STPG2: variants seen among roughly 807,000 people sequenced by gnomAD.
The protein encoded by STPG2 is sperm tail PG-rich repeat containing 2, also known as sperm-tail PG-rich repeat-containing protein 2.
Under a neutral mutation model 54.2 loss-of-function variants are expected in STPG2, and 56 were observed. That is an observed-to-expected ratio of 1.03 (90% CI 0.83 to 1.29). The LOEUF (loss-of-function observed/expected upper bound fraction) is 1.29. STPG2 is among the 50% of genes most tolerant of loss of function. The pLI is 0.00. For missense variants in STPG2, 596 were observed against 544.9 expected (o/e 1.09, Z -0.93); for synonymous variants, 200 against 181.8 (o/e 1.10, Z -0.81).
At chr4:97,540,123 G>A (rs1049961483) in intron 4 of STPG2, among the ~76,000 whole-genome samples, 1 of 152,030 alleles carries the variant, frequency 6.6e-6, no homozygotes, top group Non-Finnish European at 1.5e-5. Flanking sequence ...AAATAACTAA[G>A]ATCAGAGCAG....
At chr4:97,550,461 A>T (rs1214205347) in intron 4 of STPG2, among the ~76,000 whole-genome samples, 3 of 152,202 alleles carry the variant, frequency 2.0e-5, no homozygotes, top group Admixed American at 6.6e-5. Flanking sequence ...GATACGGGGA[A>T]GAGTGGTTTG....
intron 4 of STPG2, among the ~76,000 whole-genome samples, chr4:97,444,349 G>C (rs1359005781): frequency 1.3e-5 from 2 of 152,048 alleles, no homozygotes; most frequent in Non-Finnish European, 1.5e-5. Context: ...AAATCTAAGA[G>C]GATTAGAGTA....
intron 4 of STPG2, among the ~76,000 whole-genome samples, chr4:97,515,274 G>A (rs368585947): frequency 6.6e-6 from 1 of 151,952 alleles, no homozygotes; most frequent in African/African-American, 2.4e-5. Context: ...TTTTCCTTCT[G>A]GCTTTTCAGA....
intron 5 of STPG2, among the ~76,000 whole-genome samples, chr4:98,045,575 C>T (rs1737098652): frequency 6.6e-6 from 1 of 152,088 alleles, no homozygotes; most frequent in Non-Finnish European, 1.5e-5. Flanking sequence ...TGAAAAAGTC[C>T]TTATCTCCCC....
chr4:97,947,696 T>C (rs542596862), intron 7 of STPG2, among the ~76,000 whole-genome samples: 22 of 152,260 alleles, frequency 1.4e-4, no homozygotes, highest in African/African-American at 5.3e-4. Flanking sequence ...GTTTATGTGA[T>C]GAATCATATT....
intron 4 of STPG2, among the ~76,000 whole-genome samples, chr4:97,468,387 G>T (rs1198219134): frequency 6.6e-6 from 1 of 151,904 alleles, no homozygotes; most frequent in Non-Finnish European, 1.5e-5. Flanking sequence ...TTATCAAGAA[G>T]AAAGGAAAAC....
chr4:97,568,920 G>C (rs1367263660), intron 10 of STPG2, among the ~76,000 whole-genome samples: 1 of 143,946 alleles, frequency 6.9e-6, no homozygotes, highest in Non-Finnish European at 1.5e-5. Context: ...TTGTTTGTTT[G>C]TTTTGTTTTG....
intron 9 of STPG2, among the ~76,000 whole-genome samples, chr4:97,814,561 T>C (rs1271502621): frequency 1.3e-5 from 2 of 152,134 alleles, no homozygotes; most frequent in African/African-American, 4.8e-5. Context: ...TGGTTAATAC[T>C]GAGTGTCAAC....
At chr4:97,445,918 G>T (rs1335068497) in intron 4 of STPG2, among the ~76,000 whole-genome samples, 1 of 152,060 alleles carries the variant, frequency 6.6e-6, no homozygotes, top group Non-Finnish European at 1.5e-5. Flanking sequence ...ATCTTTTTCT[G>T]GGAAATAATA....
intron 4 of STPG2, among the ~76,000 whole-genome samples, chr4:97,551,870 C>G (rs555527503): frequency 2.6e-5 from 4 of 152,076 alleles, no homozygotes; most frequent in Non-Finnish European, 5.9e-5. Flanking sequence ...GTCTCACATC[C>G]TAGTTATGTG....
At chr4:97,997,483 C>G (rs1735279302) in intron 5 of STPG2, among the ~76,000 whole-genome samples, 1 of 152,154 alleles carries the variant, frequency 6.6e-6, no homozygotes, top group African/African-American at 2.4e-5. Context: ...ATCATGAGGA[C>G]AGTACCAAGG....
chr4:97,951,376 G>A (rs774710727), intron 7 of STPG2, among the ~76,000 whole-genome samples: 13 of 152,026 alleles, frequency 8.6e-5, no homozygotes, highest in Admixed American at 6.5e-5. Flanking sequence ...GTGACCTTTG[G>A]GTGTATTGCA....
At chr4:98,129,912 C>T (rs1253611852) in intron 2 of STPG2, among the ~76,000 whole-genome samples, 1 of 152,188 alleles carries the variant, frequency 6.6e-6, no homozygotes, top group Non-Finnish European at 1.5e-5. Context: ...GGCTGGAGTG[C>T]AGTGGCATGA....
intron 8 of STPG2, among the ~76,000 whole-genome samples, chr4:97,936,179 G>A (rs7683228): frequency 0.043 from 6,572 of 151,898 alleles, 466 homozygotes; most frequent in African/African-American, 0.15. Context: ...AGTCTGTTTC[G>A]TCAGAGACTA....
intron 4 of STPG2, among the ~76,000 whole-genome samples, chr4:97,478,689 C>A (rs2148819406): frequency 6.6e-6 from 1 of 151,934 alleles, no homozygotes; most frequent in Non-Finnish European, 1.5e-5. Flanking sequence ...TAGGTTTTCT[C>A]TTTTGCTAAA....
intron 9 of STPG2, among the ~76,000 whole-genome samples, chr4:97,805,092 T>A (rs1727513016): frequency 6.6e-6 from 1 of 152,208 alleles, no homozygotes; most frequent in South Asian, 2.1e-4. Flanking sequence ...CTCTGTATTT[T>A]AAAAATTCTT....
At chr4:97,729,292 G>C (rs1724724092) in intron 9 of STPG2, among the ~76,000 whole-genome samples, 1 of 152,008 alleles carries the variant, frequency 6.6e-6, no homozygotes, top group South Asian at 2.1e-4. Flanking sequence ...CAGATTTGGA[G>C]AATAGAATGT....
chr4:97,607,072 T>C (rs965112232), intron 10 of STPG2, among the ~76,000 whole-genome samples: 1 of 152,044 alleles, frequency 6.6e-6, no homozygotes, highest in Non-Finnish European at 1.5e-5. Flanking sequence ...AAACCTTCAA[T>C]AAATAACTTC....
At chr4:98,081,419 T>C (rs1282065623) in intron 5 of STPG2, among the ~76,000 whole-genome samples, 12 of 125,358 alleles carry the variant, frequency 9.6e-5, no homozygotes, top group Admixed American at 1.5e-4. Context: ...AAATGAGAGA[T>C]AAAAGCTAAG....
Sources: gnomAD v4.1 joint callset for allele counts (sites outside exome capture counted in the v4.1 genomes callset) on GRCh38, gnomAD v4.1.1 for gene constraint, MANE v1.5 for transcripts, NCBI Gene and HGNC (gene_info 2026-07-23, HGNC 2026-07-21) for gene names.